Variants in FCRL1 observed in about 807,000 individuals in gnomAD.
FCRL1 encodes Fc receptor-like protein 1.
FCRL1 carries 34 observed loss-of-function variants against 49.2 expected under a neutral mutation model. The observed-to-expected ratio is 0.69, with a 90% CI of 0.53 to 0.92. The LOEUF is 0.92. Ranked by LOEUF, FCRL1 falls within the 40% of genes least tolerant of loss-of-function variation. FCRL1 has a pLI of 0.00. For synonymous variants in FCRL1, 218 were observed against 201.6 expected (o/e 1.08, Z -0.69); for missense variants, 524 against 524.1 (o/e 1.00, Z 0.00).
chr1:157,819,246 G>T (rs1433273929), intron 1 of FCRL1, among the ~76,000 whole-genome samples: 1 of 152,050 alleles, frequency 6.6e-6, no homozygotes, highest in Non-Finnish European at 1.5e-5. Flanking sequence ...GGCTACCTGA[G>T]ATTTGGGGGT....
intron 1 of FCRL1, among the ~76,000 whole-genome samples, chr1:157,809,494 A>G (rs576557402): frequency 6.6e-6 from 1 of 152,338 alleles, no homozygotes; most frequent in South Asian, 2.1e-4. Flanking sequence ...TCTTGCCCAA[A>G]CTAGAGTGCA....
intron 10 of FCRL1, 25 bp downstream of exon 10, chr1:157,797,076 A>C (rs1557888434): frequency 6.2e-7 from 1 of 1,612,032 alleles, no homozygotes. Context: ...AAGAACATGG[A>C]AGAAAGAACA....
At chr1:157,804,234 C>T (rs1653013159) in intron 2 of FCRL1, 123 bp from the exon 3 acceptor site, 2 of 1,193,816 alleles carry the variant, frequency 1.7e-6, no homozygotes, top group Non-Finnish European at 2.3e-6. Context: ...ACAGGCCACC[C>T]TACATGTCTC....
In FCRL1 at chr1:157,798,173, T is replaced by C. The variant is rs376878375; in HGVS notation, c.1102A>G (p.Ile368Val). Reference protein sequence around the residue: ...NSPTPGQLQPIYENVNVVSGD... With the variant: ...NSPTPGQLQPVYENVNVVSGD... ...TGGGAAGGCTCACCATTTTCATATA[T>C]AGGCTGTAGCTGCCCTGGGGTAGGT... The change falls in exon 8 of 11, where the codon ATA becomes GTA. Residue 368 changes from isoleucine (I) to valine (V), a missense_variant. Transcript: ENST00000368176. The C allele has an allele frequency of 3.7e-6, 6 of 1,612,506 alleles. No homozygotes were observed. The East Asian group carries it at 6.7e-5, about 18-fold the overall frequency.
In FCRL1 at chr1:157,801,764, T is replaced by G. The variant is rs540263608; in HGVS notation, c.886+151A>C. Reference sequence around the variant, plus strand: ...GCTGCACCCAACCTTGAGTTCTCCATGCCCCTCCAATACATCACTCATGAC... The same window carrying G: ...GCTGCACCCAACCTTGAGTTCTCCAGGCCCCTCCAATACATCACTCATGAC... On this transcript the variant is annotated intron_variant, in intron 5 of 10. Coordinates refer to ENST00000368176, the MANE Select transcript of FCRL1 (RefSeq NM_052938.5). 80 of 958,932 alleles carry G rather than the reference T, an allele frequency of 8.3e-5. No individual in the cohort carries two copies. The African/African-American group carries it at 1.2e-3, about 15-fold the overall frequency. 59.4% of individuals were successfully genotyped at this position (958,932 alleles called of 1,614,324 possible).
At chr1:157,796,684 T>C (rs1651542810) in intron 10 of FCRL1, among the ~76,000 whole-genome samples, 1 of 152,240 alleles carries the variant, frequency 6.6e-6, no homozygotes, top group Non-Finnish European at 1.5e-5. Flanking sequence ...TACCAAATGC[T>C]AATTTTTAGT....
intron 1 of FCRL1, among the ~76,000 whole-genome samples, chr1:157,810,093 C>G (rs374955663): frequency 6.6e-6 from 1 of 152,054 alleles, no homozygotes; most frequent in East Asian, 1.9e-4. Context: ...AAAATTGACC[C>G]CTTGATGCAG....
At chr1:157,808,331 G>A (rs1258086654) in intron 1 of FCRL1, among the ~76,000 whole-genome samples, 2 of 152,162 alleles carry the variant, frequency 1.3e-5, no homozygotes, top group South Asian at 4.1e-4. Context: ...AAGATACAGA[G>A]CATCTTAAGA....
chr1:157,809,181 G>A (rs2101879390), intron 1 of FCRL1, among the ~76,000 whole-genome samples: 1 of 152,240 alleles, frequency 6.6e-6, no homozygotes, highest in South Asian at 2.1e-4. Context: ...CACATGAAGT[G>A]ACATAATTAT....
chr1:157,805,466 C>T (rs1653284414), intron 2 of FCRL1, among the ~76,000 whole-genome samples: 1 of 152,172 alleles, frequency 6.6e-6, no homozygotes, highest in African/African-American at 2.4e-5. Flanking sequence ...AACATCAGTT[C>T]CATCCATAGT....
chr1:157,804,313 C>T, intron 2 of FCRL1: 1 of 587,668 alleles, frequency 1.7e-6, no homozygotes, highest in South Asian at 2.2e-5. Context: ...CTGGTACATC[C>T]TGCCCCTGTG....
intron 1 of FCRL1, among the ~76,000 whole-genome samples, chr1:157,813,845 A>G (rs1345057263): frequency 6.6e-6 from 1 of 152,216 alleles, no homozygotes; most frequent in African/African-American, 2.4e-5. Flanking sequence ...CAGCAAAAAC[A>G]TCAAGTCATA....
intron 3 of FCRL1, among the ~76,000 whole-genome samples, chr1:157,803,248 G>C (rs1383896970): frequency 6.6e-6 from 1 of 152,210 alleles, no homozygotes; most frequent in Non-Finnish European, 1.5e-5. Flanking sequence ...GCGTGGGAGA[G>C]CACAGCCTTT....
chr1:157,803,863 A>T lies in FCRL1; in HGVS notation c.301T>A (p.Ser101Thr). 6.2e-7 allele frequency: 1 copy of T among 1,614,092 alleles called. No homozygotes were observed. Among genetic ancestry groups the T allele is most frequent in the East Asian group, 2.2e-5 (1 of 44,884 alleles). Reference sequence around the variant, plus strand: ...CACTCACTGTGCACATTTATCTGGGATCTCCTGCTCCTCAAGACTTTGGAC... The same window carrying T: ...CACTCACTGTGCACATTTATCTGGGTTCTCCTGCTCCTCAAGACTTTGGAC... ...MASKVLRSRR[S>T]QINVHRVPVA... is the part of the protein sequence containing the mutation. Residue 101 changes from serine (S) to threonine (T), a missense_variant, in exon 3 of 11, where the codon TCC becomes ACC. Transcript: ENST00000368176.
rs1346885743 is a variant in FCRL1 at position 157,795,649 on chromosome 1, G to A, written c.*450C>T. 1.3e-5 allele frequency: 2 copies of A among 153,016 alleles called. No homozygotes were observed. Among genetic ancestry groups the A allele is most frequent in the Non-Finnish European group, 2.9e-5 (2 of 68,644 alleles). 9.5% of individuals were successfully genotyped at this position (153,016 alleles called of 1,614,324 possible). On this transcript the variant is annotated 3_prime_UTR_variant, in exon 11 of 11. Coordinates refer to ENST00000368176, the MANE Select transcript of FCRL1 (RefSeq NM_052938.5). The stretch of plus-strand genomic sequence containing the variant: ...AACTCGATGATCCATGTAAGTAGCG[G>A]GGCTGGAGTTCTGTGCTGTCTGGGC...
intron 1 of FCRL1, among the ~76,000 whole-genome samples, chr1:157,809,440 C>CA (rs915302630): frequency 1.2e-4 from 18 of 151,678 alleles, no homozygotes; most frequent in South Asian, 2.1e-4. Flanking sequence ...CAAAAACAAA[C>CA]AAAAAAAACC....
intron 7 of FCRL1, among the ~76,000 whole-genome samples, chr1:157,799,202 T>G (rs1652027679): frequency 6.6e-6 from 1 of 152,100 alleles, no homozygotes; most frequent in Non-Finnish European, 1.5e-5. Context: ...GGTTTCACCA[T>G]GTTGCCCAAG....
At chr1:157,803,755 T>G in intron 3 of FCRL1, 90 bp downstream of exon 3, 1 of 1,478,772 alleles carries the variant, frequency 6.8e-7, no homozygotes, top group Non-Finnish European at 9.1e-7. Flanking sequence ...CTCCTACTCT[T>G]GCAGAGATAG....
chr1:157,797,603 A>C, intron 9 of FCRL1: 1 of 722,010 alleles, frequency 1.4e-6, no homozygotes, highest in Non-Finnish European at 2.3e-6. Flanking sequence ...GGAAGAGGTA[A>C]GCCATGGGAT....
Sources: allele counts gnomAD v4.1 joint callset (sites outside exome capture counted in the v4.1 genomes callset), GRCh38; gene constraint gnomAD v4.1.1; transcripts MANE v1.5; gene names NCBI Gene and HGNC (gene_info 2026-07-23, HGNC 2026-07-21).